Variants in PPP2R5E observed in about 807,000 individuals in gnomAD.
The protein encoded by PPP2R5E is protein phosphatase 2 regulatory subunit B'epsilon.
Under a neutral mutation model 65.3 loss-of-function variants are expected in PPP2R5E, and 4 were observed. The observed-to-expected ratio is 0.06, with a 90% confidence interval of 0.03 to 0.14. The LOEUF is 0.14. PPP2R5E is among the 10% of genes least tolerant of loss of function. The pLI is 1.00. For synonymous variants in PPP2R5E, 183 were observed against 187.4 expected (o/e 0.98, Z 0.19); for missense variants, 274 against 556.1 (o/e 0.49, Z 5.10).
chr14:63,393,746 A>T (rs964853433), intron 8 of PPP2R5E, 74 bp downstream of exon 8: 3 of 1,000,352 alleles, frequency 3.0e-6, no homozygotes, highest in East Asian at 2.5e-5. Flanking sequence ...AATGAAGGTT[A>T]TATCAATATC....
intron 2 of PPP2R5E, among the ~76,000 whole-genome samples, chr14:63,490,267 T>C (rs1891219874): frequency 6.6e-6 from 1 of 152,048 alleles, no homozygotes; most frequent in Admixed American, 6.6e-5. Context: ...TTTCACCATA[T>C]ACAAAAATTA....
chr14:63,500,621 C>A (rs974607027), intron 2 of PPP2R5E, among the ~76,000 whole-genome samples: 7 of 152,050 alleles, frequency 4.6e-5, no homozygotes, highest in Admixed American at 3.9e-4. Context: ...TGGGAGGCCA[C>A]GGCAAGAGGA....
chr14:63,491,751 G>A (rs1891296215), intron 2 of PPP2R5E, among the ~76,000 whole-genome samples: 1 of 152,084 alleles, frequency 6.6e-6, no homozygotes, highest in South Asian at 2.1e-4. Context: ...GGAGGCTAAG[G>A]CAGGAGAATC....
rs559641254 is a variant in PPP2R5E, at chr14:63,373,653, G to C, written c.*2356C>G. On this transcript the variant is annotated 3_prime_UTR_variant, in exon 14 of 14. Transcript: ENST00000337537. ...TACAAAATTGACATCAAGGAGGAGA[G>C]CTGTAAGTGTTCACCTTTACTCTTG... is the stretch of plus-strand genomic sequence containing the variant. 11 of 152,314 alleles carry C rather than the reference G, an allele frequency of 7.2e-5. No individual in the cohort carries two copies. The highest frequency in any genetic ancestry group is 2.0e-4 in the Admixed American group (3 of 15,290). 9.4% of individuals were successfully genotyped at this position (152,314 alleles called of 1,614,324 possible).
intron 2 of PPP2R5E, among the ~76,000 whole-genome samples, chr14:63,498,367 A>ATTTCT (rs56873987): frequency 0.32 from 48,680 of 151,418 alleles, 11,741 homozygotes; most frequent in African/African-American, 0.69. Context: ...TCTTGACATC[A>ATTTCT]TTTCTTTTCT....
At chr14:63,502,163 G>A (rs2139671133) in intron 2 of PPP2R5E, among the ~76,000 whole-genome samples, 1 of 152,260 alleles carries the variant, frequency 6.6e-6, no homozygotes, top group South Asian at 2.1e-4. Context: ...CCAAAGTGGT[G>A]GGATTACAGA....
At chr14:63,417,499 A>AT (rs1886767981) in intron 4 of PPP2R5E, among the ~76,000 whole-genome samples, 1 of 151,906 alleles carries the variant, frequency 6.6e-6, no homozygotes, top group Admixed American at 6.6e-5. Context: ...GAAAAAAAAA[A>AT]AAAAAAGGCT....
At chr14:63,429,701 G>A (rs919492512) in intron 3 of PPP2R5E, among the ~76,000 whole-genome samples, 3 of 145,256 alleles carry the variant, frequency 2.1e-5, no homozygotes, top group East Asian at 2.0e-4. Flanking sequence ...TTTTTTTTTT[G>A]AGACAGATTT....
intron 5 of PPP2R5E, among the ~76,000 whole-genome samples, chr14:63,409,931 A>G (rs1439507846): frequency 1.3e-5 from 2 of 152,190 alleles, no homozygotes; most frequent in Non-Finnish European, 2.9e-5. Flanking sequence ...GTTTCTTCTG[A>G]CCCCAAAGTT....
chr14:63,470,279 C>T (rs1198325519), intron 2 of PPP2R5E, among the ~76,000 whole-genome samples: 1 of 151,954 alleles, frequency 6.6e-6, no homozygotes, highest in Non-Finnish European at 1.5e-5. Flanking sequence ...ACTATGTTAC[C>T]CAGGGTGGTC....
intron 2 of PPP2R5E, among the ~76,000 whole-genome samples, chr14:63,482,992 T>A (rs112229551): frequency 0.017 from 2,592 of 152,184 alleles, 77 homozygotes; most frequent in African/African-American, 0.058. Flanking sequence ...GATGCACAGA[T>A]AATAAACATT....
chr14:63,494,752 A>G (rs1205671128), intron 2 of PPP2R5E, among the ~76,000 whole-genome samples: 3 of 151,800 alleles, frequency 2.0e-5, no homozygotes, highest in African/African-American at 7.3e-5. Context: ...AAAACTAGCC[A>G]AGCATGGTGG....
chr14:63,475,901 A>G (rs926099430), intron 2 of PPP2R5E, among the ~76,000 whole-genome samples: 52 of 152,344 alleles, frequency 3.4e-4, no homozygotes, highest in Middle Eastern at 3.4e-3. Context: ...ATGAAAAAAC[A>G]TTCAAAGGGA....
intron 5 of PPP2R5E, among the ~76,000 whole-genome samples, chr14:63,412,256 T>C (rs538246339): frequency 9.9e-5 from 15 of 152,268 alleles, no homozygotes; most frequent in Admixed American, 7.8e-4. Flanking sequence ...CTGGGCAACA[T>C]AGCAAGACCC....
intron 2 of PPP2R5E, among the ~76,000 whole-genome samples, chr14:63,527,801 G>C (rs775823668): frequency 1.3e-5 from 2 of 152,104 alleles, no homozygotes; most frequent in Non-Finnish European, 2.9e-5. Context: ...TGGGCGTGGT[G>C]GTGGGTGCCT....
intron 2 of PPP2R5E, among the ~76,000 whole-genome samples, chr14:63,500,001 A>G (rs993175132): frequency 6.6e-6 from 1 of 152,236 alleles, no homozygotes; most frequent in African/African-American, 2.4e-5. Context: ...GCTGAAAATT[A>G]TTTGGACAAT....
At position 63,430,413 on chromosome 14, in the gene PPP2R5E, A is replaced by ACATACATG. The variant is rs1338948746; in HGVS notation, c.355-8327_355-8320dup. Among the ~76,000 whole-genome samples, 491 of 143,524 alleles carry ACATACATG rather than the reference A, an allele frequency of 3.4e-3. 4 individuals are homozygous for ACATACATG. The highest frequency in any genetic ancestry group is 0.012 in the African/African-American group (452 of 37,324). 94.2% of individuals were successfully genotyped at this position (143,524 alleles called of 152,430 possible). On this transcript the variant is annotated intron_variant, in intron 3 of 13. Coordinates refer to ENST00000337537, the MANE Select transcript of PPP2R5E (RefSeq NM_006246.5). ...TACATACATACATGCATACATACATACATACATGCATACATACATATTCAA... is the reference window on the plus strand; with the variant it reads ...TACATACATACATGCATACATACATACATACATGCATACATGCATACATACATATTCAA...
chr14:63,409,165 G>A (rs546670703), intron 5 of PPP2R5E, among the ~76,000 whole-genome samples: 3 of 152,238 alleles, frequency 2.0e-5, no homozygotes, highest in East Asian at 1.9e-4. Context: ...CCCAGGAGGC[G>A]GAGGTTGCAG....
At chr14:63,489,699 C>T (rs1328050785) in intron 2 of PPP2R5E, among the ~76,000 whole-genome samples, 4 of 152,052 alleles carry the variant, frequency 2.6e-5, no homozygotes, top group Admixed American at 6.6e-5. Context: ...TGAGCTGCTG[C>T]GCCCAGCCAA....
Sources: allele counts gnomAD v4.1 joint callset (sites outside exome capture counted in the v4.1 genomes callset), GRCh38; gene constraint gnomAD v4.1.1; transcripts MANE v1.5; gene names NCBI Gene and HGNC (gene_info 2026-07-23, HGNC 2026-07-21).